The following MPP7 variants were observed in gnomAD, a reference collection of about 807,000 sequenced individuals.
MPP7 encodes the protein MAGUK p55 scaffold protein 7.
Under a neutral mutation model 76.5 loss-of-function variants are expected in MPP7, and 60 were observed. The ratio of observed to expected loss-of-function variants is 0.78; its 90% confidence interval spans 0.64 to 0.97. The LOEUF (loss-of-function observed/expected upper bound fraction) is 0.97, where lower values mean the gene tolerates loss of function less well. Among genes scored for constraint, MPP7 ranks in the 50% least tolerant of loss-of-function variants. The pLI, the probability that MPP7 is intolerant of heterozygous loss-of-function variation, is 0.00. For synonymous variants in MPP7, 237 were observed against 244.5 expected (o/e 0.97, Z 0.29); for missense variants, 641 against 694.0 (o/e 0.92, Z 0.86).
intron 13 of MPP7, among the ~76,000 whole-genome samples, chr10:28,066,921 A>C (rs746178981): frequency 6.6e-6 from 1 of 152,166 alleles, no homozygotes; most frequent in African/African-American, 2.4e-5. Context: ...ACTATACTTT[A>C]CTTCTCCATT....
At chr10:28,256,797 G>A (rs17758855) in intron 1 of MPP7, among the ~76,000 whole-genome samples, 22,344 of 152,028 alleles carry the variant, frequency 0.15, 2,248 homozygotes, top group East Asian at 0.52. Flanking sequence ...ATCATTGTAC[G>A]CCATCCATTT....
Position 28,120,618 on chromosome 10 carries a change from C to G in MPP7, c.666G>C (p.Glu222Asp). 6.2e-7 allele frequency: 1 copy of G among 1,613,770 alleles called. No homozygotes were observed. ...CCTTGCCTTCTTTTGATGGTGTCTCCTCTTTGCTGCCGGGTATAATCTTAA... is the reference window on the plus strand; with the variant it reads ...CCTTGCCTTCTTTTGATGGTGTCTCGTCTTTGCTGCCGGGTATAATCTTAA... Reference protein sequence around the residue: ...ITFKIIPGSKEETPSKEGKMF... With the variant: ...ITFKIIPGSKDETPSKEGKMF... Residue 222 changes from glutamate (E) to aspartate (D), a missense_variant, in exon 9 of 17, where the codon GAG becomes GAC. Transcript: ENST00000683449.
intron 3 of MPP7, among the ~76,000 whole-genome samples, chr10:28,188,000 G>A (rs1224636421): frequency 6.6e-6 from 1 of 152,112 alleles, no homozygotes; most frequent in Non-Finnish European, 1.5e-5. Flanking sequence ...TTCCAGGTTG[G>A]AGAAATAAAA....
chr10:28,201,688 T>A (rs1048415987), intron 3 of MPP7, among the ~76,000 whole-genome samples: 1 of 152,192 alleles, frequency 6.6e-6, no homozygotes, highest in Non-Finnish European at 1.5e-5. Flanking sequence ...ACCACTTCAA[T>A]GGAGTTCTGC....
intron 15 of MPP7, chr10:28,057,818 A>G (rs1288096303): frequency 7.8e-7 from 1 of 1,280,496 alleles, no homozygotes; most frequent in Non-Finnish European, 1.0e-6. Context: ...ACCCCAGGGT[A>G]CAGCCATCAG....
intron 16 of MPP7, 41 bp downstream of exon 16, chr10:28,056,439 G>C (rs1329745503): frequency 1.3e-6 from 2 of 1,590,480 alleles, no homozygotes; most frequent in Non-Finnish European, 8.5e-7. Context: ...GATTACAGGT[G>C]TGGGCCACCA....
chr10:28,246,523 C>CTTTATATTTGTTATATA (rs1349603948), intron 1 of MPP7, among the ~76,000 whole-genome samples: 2 of 152,090 alleles, frequency 1.3e-5, no homozygotes, highest in African/African-American at 4.8e-5. Flanking sequence ...TTTGGTAAAG[C>CTTTATATTTGTTATATA]TGAATATATG....
chr10:28,219,502 CAT>C (rs1434617379), intron 2 of MPP7, among the ~76,000 whole-genome samples: 1 of 152,070 alleles, frequency 6.6e-6, no homozygotes, highest in Non-Finnish European at 1.5e-5. Context: ...TCATATCCCT[CAT>C]AGCTTCATTA....
rs187276872 is a variant in MPP7 at position 28,131,191 on chromosome 10, G to C, written c.447+369C>G. Among the ~76,000 whole-genome samples the C allele has an allele frequency of 2.0e-4, 30 of 152,262 alleles. No individual in the cohort carries two copies. The East Asian group carries it at 3.7e-3, about 19-fold the overall frequency. On this transcript the variant is annotated intron_variant, in intron 6 of 16. Coordinates refer to ENST00000683449, the MANE Select transcript of MPP7 (RefSeq NM_001318170.2). ...GTTTTGTTGGACCTGCTGTAAATTA[G>C]TTTAAATTTAAAAAGCAATTGAATT... is the stretch of plus-strand genomic sequence containing the variant.
At chr10:28,170,237 T>C (rs11006907) in intron 3 of MPP7, among the ~76,000 whole-genome samples, 16,653 of 152,196 alleles carry the variant, frequency 0.11, 1,525 homozygotes, top group East Asian at 0.44. Context: ...TTTGGGTATA[T>C]TGTGATTCCT....
At chr10:28,102,962 G>A (rs894857279) in intron 11 of MPP7, among the ~76,000 whole-genome samples, 1 of 152,172 alleles carries the variant, frequency 6.6e-6, no homozygotes, top group African/African-American at 2.4e-5. Flanking sequence ...TGGAGTATAA[G>A]AGCCAAAGTT....
intron 11 of MPP7, among the ~76,000 whole-genome samples, chr10:28,091,682 T>C (rs1588754591): frequency 6.6e-6 from 1 of 152,316 alleles, no homozygotes; most frequent in East Asian, 1.9e-4. Context: ...TAGTCAGCTG[T>C]CTGAATCTGT....
chr10:28,171,923 C>T (rs935213557), intron 3 of MPP7, among the ~76,000 whole-genome samples: 4 of 152,186 alleles, frequency 2.6e-5, no homozygotes, highest in African/African-American at 7.2e-5. Flanking sequence ...ATTCAAAAGC[C>T]GAGCTTCTTT....
In MPP7 at chr10:28,235,098, T is replaced by C. The variant is rs552804700; in HGVS notation, c.37+3470A>G. On this transcript the variant is annotated intron_variant, in intron 2 of 16. Transcript: ENST00000683449. The stretch of plus-strand genomic sequence containing the variant: ...GTGCTGGGATTAAGGTGTCAGCCAC[T>C]GTGCCTGATTTCTAAAGTCTTAGAA... Among the ~76,000 whole-genome samples the C allele has an allele frequency of 5.3e-5, 8 of 152,288 alleles. No individual in the cohort carries two copies. In the East Asian group the frequency reaches 1.2e-3, roughly 22 times the overall value.
chr10:28,268,624 C>T (rs1208085272), intron 1 of MPP7, among the ~76,000 whole-genome samples: 1 of 151,470 alleles, frequency 6.6e-6, no homozygotes, highest in African/African-American at 2.4e-5. Context: ...CCCAGCTACT[C>T]AGGAAGCTGA....
chr10:28,193,500 C>T (rs528035054), intron 3 of MPP7, among the ~76,000 whole-genome samples: 28 of 152,212 alleles, frequency 1.8e-4, no homozygotes, highest in African/African-American at 6.7e-4. Context: ...CGTGAGTCAC[C>T]ATGACTGGCC....
chr10:28,059,756 G>A lies in MPP7; in HGVS notation c.1205-13C>T. 1.3e-6 allele frequency: 2 copies of A among 1,586,236 alleles called. No individual in the cohort carries two copies. Among genetic ancestry groups the A allele is most frequent in the Non-Finnish European group, 1.7e-6 (2 of 1,156,874 alleles). ...GCTCTGGTGGTATCTATGATTTAAT[G>A]AAAAGGAGTTTAGAAAAGCCCACAT... On this transcript the variant is annotated splice_polypyrimidine_tract_variant and intron_variant, in intron 13 of 16. Coordinates refer to ENST00000683449, the MANE Select transcript of MPP7 (RefSeq NM_001318170.2).
At chr10:28,079,841 A>G (rs1017319427) in intron 12 of MPP7, among the ~76,000 whole-genome samples, 1 of 152,174 alleles carries the variant, frequency 6.6e-6, no homozygotes, top group East Asian at 1.9e-4. Context: ...TGACAGTCAT[A>G]AAGAATAAGC....
intron 6 of MPP7, 83 bp from the exon 7 acceptor site, chr10:28,125,174 G>A: frequency 8.8e-7 from 1 of 1,134,368 alleles, no homozygotes; most frequent in South Asian, 1.4e-5. Flanking sequence ...ACATTCATCT[G>A]AAAAAAGAGA....
Sources: gnomAD v4.1 joint callset for allele counts (sites outside exome capture counted in the v4.1 genomes callset) on GRCh38, gnomAD v4.1.1 for gene constraint, MANE v1.5 for transcripts, NCBI Gene and HGNC (gene_info 2026-07-23, HGNC 2026-07-21) for gene names.